SLC24A3: variants seen among roughly 807,000 people sequenced by gnomAD.
The protein encoded by SLC24A3 is solute carrier family 24 member 3.
Under a neutral mutation model 75.8 loss-of-function variants are expected in SLC24A3, and 28 were observed. The ratio of observed to expected loss-of-function variants is 0.37; its 90% CI spans 0.27 to 0.51. SLC24A3 has a LOEUF of 0.51. Among genes scored for constraint, SLC24A3 ranks in the 20% least tolerant of loss-of-function variants. The pLI is 0.94. For synonymous variants in SLC24A3, 372 were observed against 334.1 expected (o/e 1.11, Z -1.24); for missense variants, 663 against 847.8 (o/e 0.78, Z 2.71).
chr20:19,280,695 A>T (rs984789307), intron 1 of SLC24A3, among the ~76,000 whole-genome samples: 2 of 152,190 alleles, frequency 1.3e-5, no homozygotes, highest in African/African-American at 2.4e-5. Context: ...GCAGTTGATC[A>T]AGTGTGCTTT....
At chr20:19,497,865 C>T (rs890038954) in intron 2 of SLC24A3, among the ~76,000 whole-genome samples, 45 of 152,294 alleles carry the variant, frequency 3.0e-4, no homozygotes, top group African/African-American at 1.0e-3. Flanking sequence ...TGCTTTAAAG[C>T]AGAGGTCCCC....
intron 6 of SLC24A3, among the ~76,000 whole-genome samples, chr20:19,623,284 G>A (rs369442787): frequency 4.6e-5 from 7 of 152,094 alleles, no homozygotes; most frequent in Non-Finnish European, 1.0e-4. Context: ...TCAAGATGGC[G>A]GCAAGTCTAA....
intron 2 of SLC24A3, among the ~76,000 whole-genome samples, chr20:19,316,839 A>T (rs1470601968): frequency 6.6e-6 from 1 of 152,154 alleles, no homozygotes; most frequent in Non-Finnish European, 1.5e-5. Flanking sequence ...AAAATTTCCT[A>T]CTTTTATTTT....
intron 4 of SLC24A3, among the ~76,000 whole-genome samples, chr20:19,582,900 C>T (rs549456264): frequency 2.6e-5 from 4 of 152,226 alleles, no homozygotes; most frequent in East Asian, 1.9e-4. Context: ...AAGGTGAAGT[C>T]GGATGGGGAG....
At chr20:19,710,633 G>A (rs1368362709) in intron 15 of SLC24A3, among the ~76,000 whole-genome samples, 1 of 152,242 alleles carries the variant, frequency 6.6e-6, no homozygotes, top group African/African-American at 2.4e-5. Context: ...AGGCAGGGAG[G>A]AGGGAGATGA....
intron 3 of SLC24A3, among the ~76,000 whole-genome samples, chr20:19,578,839 C>T (rs2031178586): frequency 6.6e-6 from 1 of 152,106 alleles, no homozygotes; most frequent in African/African-American, 2.4e-5. Flanking sequence ...GACACCTGAT[C>T]AAGGGCTCAG....
At chr20:19,630,725 CCATTTAATCCAAAAG>C (rs61513629) in intron 6 of SLC24A3, among the ~76,000 whole-genome samples, 11,144 of 152,172 alleles carry the variant, frequency 0.073, 953 homozygotes, top group African/African-American at 0.21. Flanking sequence ...AAGCTAAACT[CCATTTAATCCAAAAG>C]GATTTTTAAA....
At chr20:19,720,813 G>C (rs1024546045) in intron 16 of SLC24A3, among the ~76,000 whole-genome samples, 178 bp from the exon 17 acceptor site, 1 of 152,100 alleles carries the variant, frequency 6.6e-6, no homozygotes, top group African/African-American at 2.4e-5. Flanking sequence ...TGATGTTGAT[G>C]TTCTCACCTC....
At chr20:19,294,270 A>G (rs772263912) in intron 2 of SLC24A3, among the ~76,000 whole-genome samples, 2 of 152,182 alleles carry the variant, frequency 1.3e-5, no homozygotes, top group Non-Finnish European at 2.9e-5. Flanking sequence ...ATCAATAAAC[A>G]CTTTTTTTCT....
rs148783011 is a variant in SLC24A3 at position 19,626,285 on chromosome 20, G to T, written c.613-27777G>T. ...CCATGTTTCAGCTGAGAAATCTGAG[G>T]CTCAGATCAGGGAAGTACCTTTTCT... On this transcript the variant is annotated intron_variant, in intron 6 of 16. Coordinates refer to ENST00000328041, the MANE Select transcript of SLC24A3 (RefSeq NM_020689.4). Among the ~76,000 whole-genome samples the T allele has an allele frequency of 4.8e-3, 727 of 152,206 alleles. 1 individual carries two copies. The highest frequency in any genetic ancestry group is 8.0e-3 in the Non-Finnish European group (541 of 68,002).
At chr20:19,363,970 T>C (rs1600449297) in intron 2 of SLC24A3, among the ~76,000 whole-genome samples, 1 of 152,110 alleles carries the variant, frequency 6.6e-6, no homozygotes, top group Admixed American at 6.5e-5. Context: ...GTCAGATGAT[T>C]GGCTGTCTTT....
intron 2 of SLC24A3, among the ~76,000 whole-genome samples, chr20:19,443,676 C>G (rs1247220198): frequency 1.3e-5 from 2 of 152,094 alleles, no homozygotes; most frequent in Non-Finnish European, 2.9e-5. Context: ...TTTTCTTGTC[C>G]TATTACATTG....
intron 13 of SLC24A3, among the ~76,000 whole-genome samples, chr20:19,696,132 C>T (rs1258857572): frequency 1.3e-5 from 2 of 150,150 alleles, no homozygotes; most frequent in African/African-American, 4.9e-5. Context: ...ATCCTCCTGC[C>T]TCAGCCTCTC....
chr20:19,259,299 C>A (rs1025949520), intron 1 of SLC24A3, among the ~76,000 whole-genome samples: 17 of 152,190 alleles, frequency 1.1e-4, no homozygotes, highest in Non-Finnish European at 1.6e-4. Flanking sequence ...AGCAAAGGAC[C>A]CAGCATGCAG....
At chr20:19,417,941 T>C (rs754067127) in intron 2 of SLC24A3, among the ~76,000 whole-genome samples, 20 of 152,158 alleles carry the variant, frequency 1.3e-4, no homozygotes, top group Non-Finnish European at 2.6e-4. Flanking sequence ...AGGAGTCCTT[T>C]TGGGAGAAAC....
At chr20:19,593,540 C>T (rs1218826259) in intron 6 of SLC24A3, among the ~76,000 whole-genome samples, 1 of 152,206 alleles carries the variant, frequency 6.6e-6, no homozygotes, top group Non-Finnish European at 1.5e-5. Context: ...TTCAATAACT[C>T]CTGGAGAAAG....
chr20:19,354,171 A>T (rs1484333747), intron 2 of SLC24A3, among the ~76,000 whole-genome samples: 1 of 152,228 alleles, frequency 6.6e-6, no homozygotes, highest in African/African-American at 2.4e-5. Flanking sequence ...CCTCACAGAC[A>T]TCATACTATT....
chr20:19,640,011 C>T (rs150607947), intron 6 of SLC24A3, among the ~76,000 whole-genome samples: 1 of 152,216 alleles, frequency 6.6e-6, no homozygotes, highest in African/African-American at 2.4e-5. Flanking sequence ...CCGCTGGCGC[C>T]TCTCCCTCCA....
intron 2 of SLC24A3, among the ~76,000 whole-genome samples, chr20:19,485,045 C>T (rs1988109800): frequency 2.6e-5 from 4 of 152,158 alleles, no homozygotes; most frequent in African/African-American, 4.8e-5. Flanking sequence ...TAGCATGGGA[C>T]TCAGGCACTC....
Sources: allele counts gnomAD v4.1 joint callset (sites outside exome capture counted in the v4.1 genomes callset), GRCh38; gene constraint gnomAD v4.1.1; transcripts MANE v1.5; gene names NCBI Gene and HGNC (gene_info 2026-07-23, HGNC 2026-07-21).